DMGDH: variants seen among roughly 807,000 people sequenced by gnomAD.
DMGDH encodes dimethylglycine dehydrogenase, mitochondrial.
A neutral mutation model predicts 95.2 loss-of-function variants in DMGDH; 76 were observed. That is an observed-to-expected ratio of 0.80 (90% CI 0.66 to 0.97). DMGDH has a LOEUF of 0.97. Ranked by LOEUF, DMGDH falls within the 50% of genes least tolerant of loss-of-function variation. The pLI is 0.00. For synonymous variants in DMGDH, 345 were observed against 377.6 expected, an observed-to-expected ratio of 0.91 and a Z score of 1.00; for missense variants, 987 against 1,055.0, an observed-to-expected ratio of 0.94 and a Z score of 0.89.
Position 78,998,157 on chromosome 5 carries a change from G to C in DMGDH, c.2526C>G (p.Ile842Met). ...ELLGKNYPAV[I>M]IQEPLVLTEP... is the part of the protein sequence containing the mutation. ...CGGTCAATACCAAAGGTTCTTGTAT[G>C]ATGACTGCTGGGTAATTTTTGCCTA... Residue 842 changes from isoleucine (I) to methionine (M), a missense_variant, in exon 16 of 16, where the codon ATC becomes ATG. Physicochemically the swap from Ile to Met is conservative, Grantham distance 10. Transcript: ENST00000255189. 6.2e-7 allele frequency: 1 copy of C among 1,614,204 alleles called. No homozygotes were observed. Among genetic ancestry groups the C allele is most frequent in the African/African-American group, 1.3e-5 (1 of 75,050 alleles).
chr5:79,068,382 T>C (rs1292225526), intron 1 of DMGDH, among the ~76,000 whole-genome samples: 1 of 152,246 alleles, frequency 6.6e-6, no homozygotes, highest in Non-Finnish European at 1.5e-5. Context: ...CATTCTCTTA[T>C]TTAATATTCA....
At chr5:79,009,780 T>C (rs1482518267) in intron 14 of DMGDH, among the ~76,000 whole-genome samples, 1 of 152,148 alleles carries the variant, frequency 6.6e-6, no homozygotes, top group East Asian at 1.9e-4. Context: ...TTAAGTAAAA[T>C]GAGGGCATTT....
At chr5:79,021,658 A>G (rs1481622029) in intron 14 of DMGDH, 3 of 1,314,786 alleles carry the variant, frequency 2.3e-6, no homozygotes, top group Non-Finnish European at 3.0e-6. Context: ...CCTCCTTAAA[A>G]TGGGCAAAGC....
At chr5:79,022,638 C>A (rs1229128665) in intron 14 of DMGDH, among the ~76,000 whole-genome samples, 1 of 152,156 alleles carries the variant, frequency 6.6e-6, no homozygotes. Flanking sequence ...AAATTAGTAT[C>A]TTCTAAACAA....
At chr5:79,036,045 T>G (rs918781125) in intron 7 of DMGDH, among the ~76,000 whole-genome samples, 2 of 152,266 alleles carry the variant, frequency 1.3e-5, no homozygotes, top group African/African-American at 4.8e-5. Context: ...ATTCTTCCAC[T>G]GTTAGCTGGG....
chr5:79,032,620 C>T (rs1223863492), intron 9 of DMGDH, 67 bp downstream of exon 9: 37 of 1,601,086 alleles, frequency 2.3e-5, no homozygotes, highest in Non-Finnish European at 3.0e-5. Context: ...GCAGAATCAG[C>T]GCTTTTTGCT....
At chr5:79,012,117 A>G (rs1260112438) in intron 14 of DMGDH, among the ~76,000 whole-genome samples, 1 of 152,214 alleles carries the variant, frequency 6.6e-6, no homozygotes, top group East Asian at 1.9e-4. Flanking sequence ...GAGCCTGTAA[A>G]ATCAAAAACA....
intron 14 of DMGDH, among the ~76,000 whole-genome samples, chr5:79,006,850 C>CCCG (rs142991064): frequency 3.4e-5 from 5 of 147,568 alleles, no homozygotes; most frequent in East Asian, 2.0e-4. Flanking sequence ...CTGAGACCCC[C>CCCG]CCAGTCCATT....
Position 79,030,943 on chromosome 5 carries a change from C to A in DMGDH, c.1573G>T (p.Val525Phe). ...FEPVGSEYKQ[V>F]MQRVAVTDLS... ...TCAGTTACCGCTACTCTTTGCATAA[C>A]CTGTTTATACTCCGAGCCCACAGGC... The change falls in exon 10 of 16, where the codon GTT becomes TTT. Residue 525 changes from valine (V) to phenylalanine (F), a missense_variant. Transcript: ENST00000255189. 3 of 1,614,186 alleles carry A rather than the reference C, an allele frequency of 1.9e-6. No homozygotes were observed. Among genetic ancestry groups the A allele is most frequent in the Non-Finnish European group, 2.5e-6 (3 of 1,180,028 alleles).
In DMGDH at chr5:79,033,225, C is replaced by T; in HGVS notation, c.1363+14G>A. 1 of 1,613,958 alleles carries T rather than the reference C, an allele frequency of 6.2e-7. No individual in the cohort carries two copies. The highest frequency in any genetic ancestry group is 1.3e-5 in the African/African-American group (1 of 75,042). ...CGTCAACACTTTGTAGACAACAGTACATTTGTACCTTACCAATATTGTTGA... is the reference window on the plus strand; with the variant it reads ...CGTCAACACTTTGTAGACAACAGTATATTTGTACCTTACCAATATTGTTGA... On this transcript the variant is annotated intron_variant, in intron 8 of 15. Transcript: ENST00000255189.
chr5:78,998,038 A>G lies in DMGDH; in HGVS notation c.*44T>C. 6.3e-7 allele frequency: 1 copy of G among 1,590,788 alleles called. No individual in the cohort carries two copies. Among genetic ancestry groups the G allele is most frequent in the East Asian group, 2.2e-5 (1 of 44,776 alleles). Reference sequence around the variant, plus strand: ...AGCCAGTTATAATAATTTCAAGGACAGTCATTAGCAACTCTAATTCAGTTG... The same window carrying G: ...AGCCAGTTATAATAATTTCAAGGACGGTCATTAGCAACTCTAATTCAGTTG... On this transcript the variant is annotated 3_prime_UTR_variant, in exon 16 of 16. Coordinates refer to ENST00000255189, the MANE Select transcript of DMGDH (RefSeq NM_013391.3).
intron 12 of DMGDH, among the ~76,000 whole-genome samples, chr5:79,028,029 G>A (rs541522257): frequency 2.1e-4 from 32 of 151,958 alleles, no homozygotes; most frequent in African/African-American, 7.7e-4. Flanking sequence ...CAGTAGAAAC[G>A]GGGTTTCTCC....
rs375361080 is a variant in DMGDH at position 79,044,470 on chromosome 5, C to T, written c.828G>A (p.Ser276=). The T allele has an allele frequency of 3.0e-5, 48 of 1,613,962 alleles. No homozygotes were observed. The highest frequency in any genetic ancestry group is 1.6e-4 in the Middle Eastern group (1 of 6,084). ...TCAAAGCTTTCACTTCAGATATAGTCGATGTAACAACATATTGATGTTGAA... is the reference window on the plus strand; with the variant it reads ...TCAAAGCTTTCACTTCAGATATAGTTGATGTAACAACATATTGATGTTGAA... ...IPVQHQYVVT[S]TISEVKALKR... Residue 276 remains serine (S), a synonymous_variant, in exon 6 of 16, where the codon TCG becomes TCA. Coordinates refer to ENST00000255189, the MANE Select transcript of DMGDH (RefSeq NM_013391.3).
chr5:79,007,155 G>T (rs1753564210), intron 14 of DMGDH, among the ~76,000 whole-genome samples: 1 of 152,192 alleles, frequency 6.6e-6, no homozygotes, highest in Non-Finnish European at 1.5e-5. Flanking sequence ...GGAAGAGCTT[G>T]ATTCATTTGA....
intron 7 of DMGDH, among the ~76,000 whole-genome samples, chr5:79,036,613 G>T (rs1754354023): frequency 6.6e-6 from 1 of 152,172 alleles, no homozygotes; most frequent in Non-Finnish European, 1.5e-5. Flanking sequence ...AGGATATTCT[G>T]CGAGTAAGGT....
chr5:79,065,522 T>A (rs192207409), intron 1 of DMGDH, among the ~76,000 whole-genome samples: 1 of 152,302 alleles, frequency 6.6e-6, no homozygotes, highest in Admixed American at 6.5e-5. Flanking sequence ...AGAGCTGTCA[T>A]GTCTTATGAT....
intron 5 of DMGDH, among the ~76,000 whole-genome samples, chr5:79,045,297 C>T (rs899224086): frequency 1.3e-5 from 2 of 152,254 alleles, no homozygotes; most frequent in African/African-American, 2.4e-5. Flanking sequence ...GTTCCCCAGA[C>T]GAATGTTTCC....
In DMGDH at chr5:79,028,534, A is replaced by T; in HGVS notation, c.1931T>A (p.Leu644Gln). 1.9e-6 allele frequency: 3 copies of T among 1,614,090 alleles called. No homozygotes were observed. The highest frequency in any genetic ancestry group is 1.7e-6 in the Non-Finnish European group (2 of 1,179,976). ...GPQARKVLQK[L>Q]TSEDLSDDVF... ...ATCATCACTAAGATCTTCAGAGGTC[A>T]GTTTCTGAAGGACCTTTCTTGCCTG... Residue 644 changes from leucine to glutamine, a missense_variant, in exon 12 of 16, where the codon CTG (leucine) becomes CAG (glutamine). Coordinates refer to ENST00000255189, the MANE Select transcript of DMGDH (RefSeq NM_013391.3).
intron 14 of DMGDH, chr5:79,021,108 A>T (rs1753855858): frequency 1.0e-6 from 1 of 960,034 alleles, no homozygotes. Context: ...GTTTTTAGTT[A>T]AGAAGATTTT....
Sources: gnomAD v4.1 joint callset for allele counts (sites outside exome capture counted in the v4.1 genomes callset) on GRCh38, gnomAD v4.1.1 for gene constraint, MANE v1.5 for transcripts, NCBI Gene and HGNC (gene_info 2026-07-23, HGNC 2026-07-21) for gene names.